The following ONECUT3 variants were observed in gnomAD, a reference collection of about 807,000 sequenced individuals.
ONECUT3 encodes one cut domain family member 3.
In ONECUT3, 11 loss-of-function variants were observed where a neutral mutation model predicts 16.8. The observed-to-expected ratio is 0.66, with a 90% CI of 0.41 to 1.09. The LOEUF is 1.09. Ranked by LOEUF, ONECUT3 falls within the 50% of genes least tolerant of loss-of-function variation. ONECUT3 has a pLI of 0.00. For synonymous variants in ONECUT3, 344 were observed against 310.7 expected (o/e 1.11, Z -1.13); for missense variants, 637 against 629.9 (o/e 1.01, Z -0.12).
At position 1,759,930 on chromosome 19, in the gene ONECUT3, C is replaced by T. The variant is rs59119391; in HGVS notation, c.1192+5076C>T. ...CGAGACTCAGGTGACTCTGGTGCCC[C>T]CACACCAGCACCCTCCCACAAAACT... is the stretch of plus-strand genomic sequence containing the variant. On this transcript the variant is annotated intron_variant, in intron 1 of 1. Coordinates refer to ENST00000382349, the MANE Select transcript of ONECUT3 (RefSeq NM_001080488.2). The surrounding 1 kb of genome is among the most constrained non-coding windows in gnomAD (Gnocchi z 4.1). 0.017 allele frequency among the ~76,000 whole-genome samples: 2,525 copies of T among 152,228 alleles called. 72 individuals carry two copies. The highest frequency in any genetic ancestry group is 0.056 in the African/African-American group (2,346 of 41,528).
At position 1,778,084 on chromosome 19, in the gene ONECUT3, C is replaced by CTATATATAGGTA. The variant is rs2068127232; in HGVS notation, c.*2643_*2644insTATAGGTATATA. On this transcript the variant is annotated 3_prime_UTR_variant, in exon 2 of 2. Coordinates refer to ENST00000382349, the MANE Select transcript of ONECUT3 (RefSeq NM_001080488.2). ...TTATTTGTCTTTATACCAAGGTAGCCTATAGATATACAATGTTTTAAATTT... is the reference window on the plus strand; with the variant it reads ...TTATTTGTCTTTATACCAAGGTAGCCTATATATAGGTATATAGATATACAATGTTTTAAATTT... 6.6e-6 allele frequency: 1 copy of CTATATATAGGTA among 151,324 alleles called. No homozygotes were observed. Among genetic ancestry groups the CTATATATAGGTA allele is most frequent in the South Asian group, 2.1e-4 (1 of 4,800 alleles). 9.4% of individuals were successfully genotyped at this position (151,324 alleles called of 1,614,324 possible).
At chr19:1,761,566 G>C (rs996370488) in intron 1 of ONECUT3, among the ~76,000 whole-genome samples, 22 of 152,350 alleles carry the variant, frequency 1.4e-4, no homozygotes, top group Non-Finnish European at 2.5e-4. Flanking sequence ...AGGGACAAAG[G>C]CTGGGAGGTG....
At position 1,754,593 on chromosome 19, in the gene ONECUT3, G is replaced by C; in HGVS notation, c.931G>C (p.Gly311Arg). 1 of 1,302,850 alleles carries C rather than the reference G, an allele frequency of 7.7e-7. No homozygotes were observed. The highest frequency in any genetic ancestry group is 9.8e-7 in the Non-Finnish European group (1 of 1,017,382). 80.7% of individuals were successfully genotyped at this position (1,302,850 alleles called of 1,614,324 possible). A position where few individuals can be genotyped will look rare whatever the true frequency, so the allele number is the denominator to read the frequency against. ...GGGGPGGSGG[G>R]PSAGAAAEEI... ...CGGCGGCCCCGGCGGGAGCGGCGGCGGCCCCAGCGCGGGCGCAGCGGCCGA... is the reference window on the plus strand; with the variant it reads ...CGGCGGCCCCGGCGGGAGCGGCGGCCGCCCCAGCGCGGGCGCAGCGGCCGA... Residue 311 changes from glycine to arginine, a missense_variant, in exon 1 of 2, where the codon GGC becomes CGC. Coordinates refer to ENST00000382349, the MANE Select transcript of ONECUT3 (RefSeq NM_001080488.2). The surrounding 1 kb of genome is among the most constrained non-coding windows in gnomAD (Gnocchi z 7.4).
chr19:1,756,283 T>C (rs1387904345), intron 1 of ONECUT3, among the ~76,000 whole-genome samples: 1 of 152,190 alleles, frequency 6.6e-6, no homozygotes. Flanking sequence ...CTGGAACCTC[T>C]TATGGGATTC....
chr19:1,779,580 G>A lies in ONECUT3; in HGVS notation c.*4135G>A, dbSNP rs1290114020. The A allele has an allele frequency of 2.0e-4, 30 of 149,946 alleles. No individual in the cohort carries two copies. The highest frequency in any genetic ancestry group is 7.1e-4 in the African/African-American group (29 of 40,712). 9.3% of individuals were successfully genotyped at this position (149,946 alleles called of 1,614,324 possible). ...TCAAATGTAATTTAAGAAAAAAAAA[G>A]GAAGAAAAATGCAAAAAAAAAAGAC... On this transcript the variant is annotated 3_prime_UTR_variant, in exon 2 of 2. Coordinates refer to ENST00000382349, the MANE Select transcript of ONECUT3 (RefSeq NM_001080488.2).
chr19:1,768,381 C>T (rs955397751), intron 1 of ONECUT3, among the ~76,000 whole-genome samples: 5 of 151,946 alleles, frequency 3.3e-5, no homozygotes, highest in African/African-American at 7.3e-5. Flanking sequence ...GACAGAGAGG[C>T]GGCTGGTGGT....
chr19:1,754,754 G>A lies in ONECUT3; in HGVS notation c.1092G>A (p.Lys364=). The A allele has an allele frequency of 6.4e-7, 1 of 1,570,044 alleles. No homozygotes were observed. The change falls in exon 1 of 2, where the codon AAG becomes AAA. Residue 364 remains lysine (K), a synonymous_variant. Transcript: ENST00000382349. The surrounding 1 kb of genome is among the most constrained non-coding windows in gnomAD (Gnocchi z 7.4). The part of the protein sequence containing the change: ...GTLSDLLRNP[K]PWSKLKSGRE... ...TCTCCGACCTGCTGCGCAACCCCAAGCCGTGGAGCAAGCTCAAATCCGGCC... is the reference window on the plus strand; with the variant it reads ...TCTCCGACCTGCTGCGCAACCCCAAACCGTGGAGCAAGCTCAAATCCGGCC...
Position 1,766,897 on chromosome 19 carries a change from G to A in ONECUT3, c.1193-8256G>A, listed in dbSNP as rs1037251500. ...CTCACTCAGCCACTGCTATACCTCC[G>A]CTCTGTGCTGGGCCACAGAAAGATC... On this transcript the variant is annotated intron_variant, in intron 1 of 1. Coordinates refer to ENST00000382349, the MANE Select transcript of ONECUT3 (RefSeq NM_001080488.2). This position sits in a 1 kb window ranked among gnomAD's most constrained non-coding sequence, Gnocchi z 4.0. 1.3e-5 allele frequency among the ~76,000 whole-genome samples: 2 copies of A among 151,976 alleles called. No homozygotes were observed. Among genetic ancestry groups the A allele is most frequent in the African/African-American group, 4.8e-5 (2 of 41,348 alleles).
Position 1,766,704 on chromosome 19 carries a change from C to T in ONECUT3, c.1193-8449C>T. Among the ~76,000 whole-genome samples, 1 of 152,000 alleles carries T rather than the reference C, an allele frequency of 6.6e-6. No homozygotes were observed. Among genetic ancestry groups the T allele is most frequent in the Non-Finnish European group, 1.5e-5 (1 of 67,974 alleles). On this transcript the variant is annotated intron_variant, in intron 1 of 1. Transcript: ENST00000382349. The surrounding 1 kb of genome is among the most constrained non-coding windows in gnomAD (Gnocchi z 4.0). Reference sequence around the variant, plus strand: ...TGAATTCAGGGCCCCTACTCAGCTACTGGCTTCCTGCTGAGGGCACTCGGG... The same window carrying T: ...TGAATTCAGGGCCCCTACTCAGCTATTGGCTTCCTGCTGAGGGCACTCGGG...
rs1393342342 is a variant in ONECUT3, at chr19:1,753,619, G to A, written c.-44G>A. ...AGTCATGCAGCGGCCTTGAGCACTA[G>A]GGGCCGGCGCTGAGGAGCGCGCGCG... On this transcript the variant is annotated 5_prime_UTR_variant, in exon 1 of 2. Coordinates refer to ENST00000382349, the MANE Select transcript of ONECUT3 (RefSeq NM_001080488.2). 2.3e-5 allele frequency: 19 copies of A among 814,550 alleles called. No homozygotes were observed. Among genetic ancestry groups the A allele is most frequent in the African/African-American group, 1.7e-4 (9 of 53,700 alleles). The allele number at this position is 814,550 out of a possible 1,614,324, so 50.5% of individuals were successfully genotyped here.
intron 1 of ONECUT3, among the ~76,000 whole-genome samples, chr19:1,767,100 C>T (rs1216384871): frequency 2.6e-5 from 4 of 152,212 alleles, no homozygotes; most frequent in Middle Eastern, 3.4e-3. Context: ...CTCTTGGCCC[C>T]AGTTTCTCCA....
In ONECUT3 at chr19:1,778,527, C is replaced by A. The variant is rs2068130126; in HGVS notation, c.*3082C>A. Reference sequence around the variant, plus strand: ...GGCACTGGCCGGAGCACGGGCCTGGCGGGGTGCTGGGTCTCCTAGATGCCC... The same window carrying A: ...GGCACTGGCCGGAGCACGGGCCTGGAGGGGTGCTGGGTCTCCTAGATGCCC... On this transcript the variant is annotated 3_prime_UTR_variant, in exon 2 of 2. Coordinates refer to ENST00000382349, the MANE Select transcript of ONECUT3 (RefSeq NM_001080488.2). 6.6e-6 allele frequency: 1 copy of A among 151,706 alleles called. No individual in the cohort carries two copies. The highest frequency in any genetic ancestry group is 2.1e-4 in the South Asian group (1 of 4,804). 9.4% of individuals were successfully genotyped at this position (151,706 alleles called of 1,614,324 possible).
At position 1,753,822 on chromosome 19, in the gene ONECUT3, C is replaced by T. The variant is rs1484798023; in HGVS notation, c.160C>T (p.Leu54=). The change falls in exon 1 of 2, where the codon CTG becomes TTG. Residue 54 remains leucine (L), a synonymous_variant. Coordinates refer to ENST00000382349, the MANE Select transcript of ONECUT3 (RefSeq NM_001080488.2). The part of the protein sequence containing the change: ...PGLVAGMASL[L]DGGGGGGGGG... ...CCTGGTGGCCGGCATGGCGAGCCTGCTGGACGGCGGCGGCGGCGGCGGCGG... is the reference window on the plus strand; with the variant it reads ...CCTGGTGGCCGGCATGGCGAGCCTGTTGGACGGCGGCGGCGGCGGCGGCGG... 2 of 968,408 alleles carry T rather than the reference C, an allele frequency of 2.1e-6. No individual in the cohort carries two copies. Among genetic ancestry groups the T allele is most frequent in the African/African-American group, 1.8e-5 (1 of 56,018 alleles). The allele number at this position is 968,408 out of a possible 1,614,324, so 60.0% of individuals were successfully genotyped here.
rs10404100 is a variant in ONECUT3, at chr19:1,769,972, C to T, written c.1193-5181C>T. Among the ~76,000 whole-genome samples, 701 of 152,288 alleles carry T rather than the reference C, an allele frequency of 4.6e-3. 11 individuals carry two copies. Among genetic ancestry groups the T allele is most frequent in the African/African-American group, 0.016 (665 of 41,540 alleles). Reference sequence around the variant, plus strand: ...AAAGGGACGATATGCATCCTACCTCCCTCCCCCATCTAGGCCAGTGGACTC... The same window carrying T: ...AAAGGGACGATATGCATCCTACCTCTCTCCCCCATCTAGGCCAGTGGACTC... On this transcript the variant is annotated intron_variant, in intron 1 of 1. Transcript: ENST00000382349.
intron 1 of ONECUT3, among the ~76,000 whole-genome samples, chr19:1,757,482 C>T (rs1280643118): frequency 6.6e-6 from 1 of 152,362 alleles, no homozygotes; most frequent in Middle Eastern, 3.4e-3. Flanking sequence ...CCGAGCCTCC[C>T]GCAGGGCGCT....
rs75002891 is a variant in ONECUT3 at position 1,766,985 on chromosome 19, G to A, written c.1193-8168G>A. Among the ~76,000 whole-genome samples the A allele has an allele frequency of 0.011, 1,652 of 151,806 alleles. 26 individuals carry two copies. The highest frequency in any genetic ancestry group is 0.038 in the African/African-American group (1,569 of 41,416). ...CTGGGAGTCCCAGAGGAGGGGCCCC[G>A]GGCTCCGCTGCGGGGGGAGGGAGGG... On this transcript the variant is annotated intron_variant, in intron 1 of 1. Coordinates refer to ENST00000382349, the MANE Select transcript of ONECUT3 (RefSeq NM_001080488.2). This position sits in a 1 kb window ranked among gnomAD's most constrained non-coding sequence, Gnocchi z 4.0.
Position 1,759,148 on chromosome 19 carries a change from C to A in ONECUT3, c.1192+4294C>A, listed in dbSNP as rs1367998149. ...GAACGAAGTGTCCTAGGGACAAAAA[C>A]CAGAGCTGTGTATGGAGTTGCATGC... On this transcript the variant is annotated intron_variant, in intron 1 of 1. Transcript: ENST00000382349. This position sits in a 1 kb window ranked among gnomAD's most constrained non-coding sequence, Gnocchi z 4.1. Among the ~76,000 whole-genome samples the A allele has an allele frequency of 6.6e-6, 1 of 152,098 alleles. No individual in the cohort carries two copies. Among genetic ancestry groups the A allele is most frequent in the Non-Finnish European group, 1.5e-5 (1 of 68,020 alleles).
At chr19:1,773,176 A>G (rs2068072727) in intron 1 of ONECUT3, among the ~76,000 whole-genome samples, 1 of 151,918 alleles carries the variant, frequency 6.6e-6, no homozygotes, top group African/African-American at 2.4e-5. Context: ...GGGAATATTA[A>G]TTATAGCTTT....
chr19:1,767,554 C>A (rs1176119978), intron 1 of ONECUT3, among the ~76,000 whole-genome samples: 1 of 152,198 alleles, frequency 6.6e-6, no homozygotes, highest in Non-Finnish European at 1.5e-5. Context: ...AGTCCAGCCC[C>A]CTTTCCCCCG....
Sources: allele counts gnomAD v4.1 joint callset (sites outside exome capture counted in the v4.1 genomes callset), GRCh38; gene constraint gnomAD v4.1.1; non-coding constraint Gnocchi (gnomAD v3.1); transcripts MANE v1.5; gene names NCBI Gene and HGNC (gene_info 2026-07-23, HGNC 2026-07-21).